ERG: variants seen among roughly 807,000 people sequenced by gnomAD.
The protein encoded by ERG is ETS transcription factor ERG.
ERG carries 9 observed loss-of-function variants against 55.3 expected under a neutral mutation model. The ratio of observed to expected loss-of-function variants is 0.16; its 90% CI spans 0.10 to 0.28. The LOEUF (loss-of-function observed/expected upper bound fraction) is 0.28, where lower values mean the gene tolerates loss of function less well. Ranked by LOEUF, ERG falls within the 10% of genes least tolerant of loss-of-function variation. ERG has a pLI of 1.00. For missense variants in ERG, 434 were observed against 631.6 expected, an observed-to-expected ratio of 0.69 and a Z score of 3.35; for synonymous variants, 223 against 237.3, an observed-to-expected ratio of 0.94 and a Z score of 0.55.
chr21:38,473,655 T>A (rs1301874087), intron 1 of ERG, among the ~76,000 whole-genome samples: 1 of 151,760 alleles, frequency 6.6e-6, no homozygotes, highest in Non-Finnish European at 1.5e-5. Context: ...AGAGGGAAAA[T>A]TTTTTTTGAA....
chr21:38,420,445 A>G (rs1457562034), intron 3 of ERG, among the ~76,000 whole-genome samples: 1 of 152,174 alleles, frequency 6.6e-6, no homozygotes, highest in African/African-American at 2.4e-5. Context: ...AACTGCCTAC[A>G]CTGGCGTGAA....
intron 6 of ERG, among the ~76,000 whole-genome samples, chr21:38,394,650 C>A (rs1286839463): frequency 6.6e-6 from 1 of 152,174 alleles, no homozygotes; most frequent in African/African-American, 2.4e-5. Context: ...CCGCGCCTGG[C>A]CTCAGAATCA....
At chr21:38,659,732 A>C (rs1479449860) in intron 1 of ERG, among the ~76,000 whole-genome samples, 2 of 152,230 alleles carry the variant, frequency 1.3e-5, no homozygotes, top group Non-Finnish European at 2.9e-5. Flanking sequence ...GTTGTATTAA[A>C]TCCACATCCT....
chr21:38,469,369 T>G (rs958193479), intron 1 of ERG, among the ~76,000 whole-genome samples: 6 of 152,216 alleles, frequency 3.9e-5, no homozygotes, highest in African/African-American at 1.4e-4. Context: ...TGTATGCCAT[T>G]ACCTGAAAAA....
At chr21:38,412,635 C>T (rs1205489908) in intron 3 of ERG, among the ~76,000 whole-genome samples, 2 of 152,190 alleles carry the variant, frequency 1.3e-5, no homozygotes. Context: ...TTGTTATTAT[C>T]TGAAGTGAGG....
At chr21:38,548,561 C>A (rs1482769002) in intron 2 of ERG, among the ~76,000 whole-genome samples, 1 of 150,300 alleles carries the variant, frequency 6.7e-6, no homozygotes, top group African/African-American at 2.4e-5. Flanking sequence ...CATTCTCCTG[C>A]CTCAGCCTCC....
At chr21:38,432,893 A>G (rs1028755637) in intron 2 of ERG, among the ~76,000 whole-genome samples, 1 of 152,164 alleles carries the variant, frequency 6.6e-6, no homozygotes, top group Non-Finnish European at 1.5e-5. Context: ...GCACCATTGA[A>G]TGGATCCTCA....
chr21:38,389,920 T>C (rs898145274), intron 9 of ERG, among the ~76,000 whole-genome samples: 1 of 152,206 alleles, frequency 6.6e-6, no homozygotes, highest in Non-Finnish European at 1.5e-5. Flanking sequence ...TCAATAATGA[T>C]AACATTTCGT....
chr21:38,623,202 CATAA>C (rs1349388131), intron 1 of ERG, among the ~76,000 whole-genome samples: 10 of 150,526 alleles, frequency 6.6e-5, no homozygotes, highest in East Asian at 2.0e-4. Context: ...ACCACATGCT[CATAA>C]ATAACACACA....
At chr21:38,393,715 C>T (rs1049619251) in intron 6 of ERG, among the ~76,000 whole-genome samples, 9 of 152,164 alleles carry the variant, frequency 5.9e-5, no homozygotes, top group Admixed American at 2.0e-4. Flanking sequence ...AGAAATGATG[C>T]GCAACGTGAA....
At chr21:38,453,386 G>T (rs1233043362) in intron 1 of ERG, among the ~76,000 whole-genome samples, 3 of 152,222 alleles carry the variant, frequency 2.0e-5, no homozygotes, top group Admixed American at 6.5e-5. Context: ...ATGAAAATTA[G>T]ATTTAAATGA....
intron 9 of ERG, among the ~76,000 whole-genome samples, chr21:38,384,367 C>T (rs1057468934): frequency 1.3e-5 from 2 of 152,172 alleles, no homozygotes; most frequent in Non-Finnish European, 2.9e-5. Context: ...GAGAACATGC[C>T]GTTAATCAGT....
At chr21:38,378,526 G>T (rs185704787), downstream of ERG, among the ~76,000 whole-genome samples, 4 of 152,266 alleles carry the variant, frequency 2.6e-5, no homozygotes, top group East Asian at 7.7e-4. Context: ...ATATTGCTAG[G>T]CACTGTGCTG....
In ERG at chr21:38,486,185, A is replaced by G. The variant is rs542513394; in HGVS notation, c.18+12178T>C. ...CCTGACCTCGTGATCTGCCCGCCTC[A>G]GCCTCCCAAAGTGCTGGGATTACAG... On this transcript the variant is annotated intron_variant, in intron 1 of 9. Coordinates refer to ENST00000288319, the MANE Select transcript of ERG (RefSeq NM_182918.4). Among the ~76,000 whole-genome samples, 419 of 150,360 alleles carry G rather than the reference A, an allele frequency of 2.8e-3. 2 individuals are homozygous for G. Among genetic ancestry groups the G allele is most frequent in the African/African-American group, 9.7e-3 (396 of 40,932 alleles).
intron 1 of ERG, among the ~76,000 whole-genome samples, chr21:38,655,418 C>T (rs1319007610): frequency 1.3e-5 from 2 of 152,170 alleles, no homozygotes; most frequent in African/African-American, 2.4e-5. Flanking sequence ...CCCAAGAGTC[C>T]TCATTTTAAG....
chr21:38,462,711 G>T (rs1373386019), intron 1 of ERG, among the ~76,000 whole-genome samples: 1 of 152,068 alleles, frequency 6.6e-6, no homozygotes, highest in Non-Finnish European at 1.5e-5. Flanking sequence ...AGAGTCGGGG[G>T]TTGGCATTTT....
At chr21:38,446,000 T>C (rs910503363) in intron 1 of ERG, among the ~76,000 whole-genome samples, 2 of 151,472 alleles carry the variant, frequency 1.3e-5, no homozygotes, top group Non-Finnish European at 2.9e-5. Flanking sequence ...AGAGCGGTCA[T>C]GAGGATTAAA....
intron 4 of ERG, 44 bp from the exon 5 acceptor site, chr21:38,402,681 G>T: frequency 1.6e-6 from 1 of 612,958 alleles, no homozygotes; most frequent in Non-Finnish European, 2.4e-6. Context: ...AAAAAAAAAA[G>T]AGAGAGAGAG....
intron 1 of ERG, among the ~76,000 whole-genome samples, chr21:38,473,632 G>T (rs2059160303): frequency 6.6e-6 from 1 of 152,082 alleles, no homozygotes; most frequent in Non-Finnish European, 1.5e-5. Flanking sequence ...TAATCTCAGA[G>T]AAAATAATTG....
Sources: allele counts gnomAD v4.1 joint callset (sites outside exome capture counted in the v4.1 genomes callset), GRCh38; gene constraint gnomAD v4.1.1; transcripts MANE v1.5; gene names NCBI Gene and HGNC (gene_info 2026-07-23, HGNC 2026-07-21).